Variants in RAB3IP observed in about 807,000 individuals in gnomAD.
The protein encoded by RAB3IP is rab-3A-interacting protein.
A neutral mutation model predicts 59.1 loss-of-function variants in RAB3IP; 36 were observed. The ratio of observed to expected loss-of-function variants is 0.61; its 90% CI spans 0.47 to 0.80. The LOEUF (loss-of-function observed/expected upper bound fraction) is 0.80. RAB3IP is among the 30% of genes least tolerant of loss of function. The pLI is 0.00. For synonymous variants in RAB3IP, 207 were observed against 191.2 expected, an observed-to-expected ratio of 1.08 and a Z score of -0.68; for missense variants, 511 against 536.0, an observed-to-expected ratio of 0.95 and a Z score of 0.46.
chr12:69,808,185 A>T (rs974169455), intron 8 of RAB3IP, among the ~76,000 whole-genome samples: 2 of 152,176 alleles, frequency 1.3e-5, no homozygotes, highest in African/African-American at 4.8e-5. Flanking sequence ...TTCAGTTTCC[A>T]TGTAGTTGAG....
Position 69,822,707 on chromosome 12 carries a change from G to A in RAB3IP, c.*7261G>A, listed in dbSNP as rs1031926356. On this transcript the variant is annotated 3_prime_UTR_variant, in exon 11 of 11. Transcript: ENST00000247833. ...CTCAACACAAATGATAAATGTTTGAGGTGATGGATACCCCAATTACCCTGA... is the reference window on the plus strand; with the variant it reads ...CTCAACACAAATGATAAATGTTTGAAGTGATGGATACCCCAATTACCCTGA... The A allele has an allele frequency of 1.3e-5, 2 of 152,116 alleles. No individual in the cohort carries two copies. Among genetic ancestry groups the A allele is most frequent in the Non-Finnish European group, 1.5e-5 (1 of 68,026 alleles). The allele number at this position is 152,116 out of a possible 1,614,324, so 9.4% of individuals were successfully genotyped here. A position where few individuals can be genotyped will look rare whatever the true frequency, so the allele number is the denominator to read the frequency against.
In RAB3IP at chr12:69,805,418, T is replaced by G. The variant is rs796999835; in HGVS notation, c.1130+3697T>G. Among the ~76,000 whole-genome samples the G allele has an allele frequency of 5.8e-4, 88 of 152,214 alleles. No homozygotes were observed. The South Asian group carries it at 0.018, about 32-fold the overall frequency. On this transcript the variant is annotated intron_variant, in intron 8 of 10. Coordinates refer to ENST00000247833, the MANE Select transcript of RAB3IP (RefSeq NM_022456.5). ...TGGGCTGAGACGATGGGGTTTTCTATGTGTACAATCATGTCATCTGCAAAT... is the reference window on the plus strand; with the variant it reads ...TGGGCTGAGACGATGGGGTTTTCTAGGTGTACAATCATGTCATCTGCAAAT...
chr12:69,742,758 T>A (rs776744915), intron 1 of RAB3IP, among the ~76,000 whole-genome samples: 3 of 152,198 alleles, frequency 2.0e-5, no homozygotes, highest in African/African-American at 7.2e-5. Context: ...ACTGGGAGCA[T>A]TAACTTGCTA....
chr12:69,741,235 C>G (rs1780100834), intron 1 of RAB3IP, among the ~76,000 whole-genome samples: 2 of 152,240 alleles, frequency 1.3e-5, no homozygotes, highest in Middle Eastern at 3.4e-3. Flanking sequence ...TCTGGACATT[C>G]CCGGGATATA....
chr12:69,765,106 C>G (rs1303386398), intron 3 of RAB3IP, among the ~76,000 whole-genome samples: 4 of 152,106 alleles, frequency 2.6e-5, no homozygotes, highest in Admixed American at 6.5e-5. Context: ...TTGACTTTTT[C>G]TTTTCATGTT....
At chr12:69,812,931 G>C (rs1186530329) in intron 9 of RAB3IP, 33 bp from the exon 10 acceptor site, 1 of 1,605,828 alleles carries the variant, frequency 6.2e-7, no homozygotes, top group African/African-American at 1.3e-5. Flanking sequence ...TGGGACATTT[G>C]ACCATTCATG....
intron 4 of RAB3IP, among the ~76,000 whole-genome samples, chr12:69,788,294 T>C (rs1025191701): frequency 2.0e-5 from 3 of 152,108 alleles, no homozygotes; most frequent in Non-Finnish European, 4.4e-5. Context: ...ACCTAGATGG[T>C]ACAGCCTATT....
rs1870084239 is a variant in RAB3IP at position 69,755,648 on chromosome 12, A to G, written c.240A>G (p.Ile80Met). ...SSPRRLNCAE[I>M]SSISFHVTDP... is the part of the protein sequence containing the mutation. ...CCAGACGTTTAAATTGTGCGGAAAT[A>G]TCTAGTATCAGGTAGGAAATAAGTA... The change falls in exon 2 of 11, where the codon ATA becomes ATG. Residue 80 changes from isoleucine to methionine, a missense_variant. Ile to Met is a conservative substitution (Grantham distance 10, BLOSUM62 1). Transcript: ENST00000247833. 6.2e-7 allele frequency: 1 copy of G among 1,611,736 alleles called. No individual in the cohort carries two copies. The highest frequency in any genetic ancestry group is 8.5e-7 in the Non-Finnish European group (1 of 1,178,178).
chr12:69,787,235 ATACT>A (rs988891388), intron 4 of RAB3IP, among the ~76,000 whole-genome samples: 23 of 152,168 alleles, frequency 1.5e-4, no homozygotes, highest in African/African-American at 4.8e-4. Flanking sequence ...AAAGTATCAA[ATACT>A]TAATAAACCT....
rs535719174 is a variant in RAB3IP, at chr12:69,819,698, C to T, written c.*4252C>T. The T allele has an allele frequency of 6.6e-6, 1 of 152,284 alleles. No individual in the cohort carries two copies. The highest frequency in any genetic ancestry group is 2.1e-4 in the South Asian group (1 of 4,818). 9.4% of individuals were successfully genotyped at this position (152,284 alleles called of 1,614,324 possible). A position where few individuals can be genotyped will look rare whatever the true frequency, so the allele number is the denominator to read the frequency against. ...CGCTGAATTTAATTGCCAAGATTAC[C>T]AATTCTAAAGAAGAGGAGGACTCTT... On this transcript the variant is annotated 3_prime_UTR_variant, in exon 11 of 11. Coordinates refer to ENST00000247833, the MANE Select transcript of RAB3IP (RefSeq NM_022456.5).
Position 69,796,652 on chromosome 12 carries a change from G to C in RAB3IP, c.888+1308G>C, listed in dbSNP as rs1177479280. On this transcript the variant is annotated intron_variant, in intron 6 of 10. Transcript: ENST00000247833. Reference sequence around the variant, plus strand: ...CAATAAAAATGATGCTGGTAAGAGAGAAGTTCAATACTTGGTTAAATCTGA... The same window carrying C: ...CAATAAAAATGATGCTGGTAAGAGACAAGTTCAATACTTGGTTAAATCTGA... 3 of 622,386 alleles carry C rather than the reference G, an allele frequency of 4.8e-6. No individual in the cohort carries two copies. In the Admixed American group the frequency reaches 7.5e-5, roughly 16 times the overall value. The allele number at this position is 622,386 out of a possible 1,614,324, so 38.6% of individuals were successfully genotyped here. A position where few individuals can be genotyped will look rare whatever the true frequency, so the allele number is the denominator to read the frequency against.
intron 8 of RAB3IP, among the ~76,000 whole-genome samples, chr12:69,809,518 C>A (rs1363046739): frequency 2.0e-5 from 3 of 152,172 alleles, no homozygotes; most frequent in African/African-American, 2.4e-5. Flanking sequence ...TCCATTCTCC[C>A]CGTCACTTTC....
chr12:69,754,645 A>G (rs1254922451), intron 1 of RAB3IP, among the ~76,000 whole-genome samples: 3 of 152,210 alleles, frequency 2.0e-5, no homozygotes, highest in Non-Finnish European at 4.4e-5. Flanking sequence ...GAGTTTTCTC[A>G]TAACAAAATA....
intron 1 of RAB3IP, among the ~76,000 whole-genome samples, chr12:69,745,708 A>G (rs909461971): frequency 1.3e-5 from 2 of 152,188 alleles, no homozygotes; most frequent in Non-Finnish European, 2.9e-5. Context: ...TGTGCAGAAC[A>G]TGCAGGTTTG....
At chr12:69,744,413 C>G (rs542973282) in intron 1 of RAB3IP, among the ~76,000 whole-genome samples, 26 of 152,104 alleles carry the variant, frequency 1.7e-4, no homozygotes, top group Non-Finnish European at 3.4e-4. Flanking sequence ...CTACACATGT[C>G]AGGTTGTACA....
chr12:69,793,236 T>G (rs1876913209), intron 4 of RAB3IP, among the ~76,000 whole-genome samples: 2 of 152,206 alleles, frequency 1.3e-5, no homozygotes, highest in Non-Finnish European at 2.9e-5. Flanking sequence ...TATAAATCAT[T>G]GATAGTAAAG....
At chr12:69,794,820 G>A (rs1346299858) in intron 5 of RAB3IP, among the ~76,000 whole-genome samples, 1 of 152,072 alleles carries the variant, frequency 6.6e-6, no homozygotes, top group African/African-American at 2.4e-5. Flanking sequence ...CCACCTAAAT[G>A]TTATTAGATT....
rs147077430 is a variant in RAB3IP, at chr12:69,810,523, A to G, written c.1131-2255A>G. 4.4e-3 allele frequency among the ~76,000 whole-genome samples: 676 copies of G among 152,352 alleles called. 5 individuals are homozygous for G. Among genetic ancestry groups the G allele is most frequent in the African/African-American group, 0.016 (654 of 41,566 alleles). ...TTCGGCCATCTTGGCTCCACCCTCCAGAAATAAAAACTGGTTTAGGTTTTT... is the reference window on the plus strand; with the variant it reads ...TTCGGCCATCTTGGCTCCACCCTCCGGAAATAAAAACTGGTTTAGGTTTTT... On this transcript the variant is annotated intron_variant, in intron 8 of 10. Coordinates refer to ENST00000247833, the MANE Select transcript of RAB3IP (RefSeq NM_022456.5).
chr12:69,800,890 G>C (rs551046569), intron 7 of RAB3IP, among the ~76,000 whole-genome samples: 1 of 152,202 alleles, frequency 6.6e-6, no homozygotes, highest in Admixed American at 6.5e-5. Flanking sequence ...CAAATATCCG[G>C]TCAATTAAAG....
Sources: gnomAD v4.1 joint callset for allele counts (sites outside exome capture counted in the v4.1 genomes callset) on GRCh38, gnomAD v4.1.1 for gene constraint, MANE v1.5 for transcripts, NCBI Gene and HGNC (gene_info 2026-07-23, HGNC 2026-07-21) for gene names.